The following PRDX1 variants were observed in gnomAD, a reference collection of about 807,000 sequenced individuals.
The protein encoded by PRDX1 is peroxiredoxin 1.
A neutral mutation model predicts 20.7 loss-of-function variants in PRDX1; 19 were observed. The observed-to-expected ratio is 0.92, with a 90% CI of 0.64 to 1.35. The LOEUF (loss-of-function observed/expected upper bound fraction) is 1.35, where lower values mean the gene tolerates loss of function less well. Among genes scored for constraint, PRDX1 ranks in the 40% most tolerant of loss-of-function variants. PRDX1 has a pLI of 0.00. For missense variants in PRDX1, 226 were observed against 240.0 expected (o/e 0.94, Z 0.38); for synonymous variants, 89 against 83.9 (o/e 1.06, Z -0.33).
chr1:45,518,517 C>G (rs1643880852), intron 2 of PRDX1, among the ~76,000 whole-genome samples: 1 of 148,174 alleles, frequency 6.7e-6, no homozygotes, highest in African/African-American at 2.5e-5. Context: ...GGCATGGCAG[C>G]ATGCCCCTAC....
In PRDX1 at chr1:45,514,531, G is replaced by C; in HGVS notation, c.490C>G (p.Gln164Glu). 2 of 1,614,094 alleles carry C rather than the reference G, an allele frequency of 1.2e-6. No individual in the cohort carries two copies. The highest frequency in any genetic ancestry group is 1.7e-6 in the Non-Finnish European group (2 of 1,179,986). ...CCTTCCCCATGTTTGTCAGTGAACTGGAAGGCCTGAACTAGTCTCAAAGTC... is the reference window on the plus strand; with the variant it reads ...CCTTCCCCATGTTTGTCAGTGAACTCGAAGGCCTGAACTAGTCTCAAAGTC... ...DETLRLVQAF[Q>E]FTDKHGEVCP... The change falls in exon 5 of 6, where the codon CAG (glutamine) becomes GAG (glutamate). Residue 164 changes from glutamine (Q) to glutamate (E), a missense_variant. Gln to Glu is a conservative substitution (Grantham distance 29). Transcript: ENST00000319248.
In PRDX1 at chr1:45,515,735, C is replaced by A. The variant is rs775210395; in HGVS notation, c.179G>T (p.Ser60Ile). ...FVCPTEIIAF[S>I]DRAEEFKKLN... ...TTTCTTAAATTCTTCTGCCCTATCA[C>A]TGAAAGCAATGATCTCCGTGGGGCA... Residue 60 changes from serine to isoleucine, a missense_variant, in exon 3 of 6, where the codon AGT becomes ATT. Transcript: ENST00000319248. 6.2e-7 allele frequency: 1 copy of A among 1,606,318 alleles called. No homozygotes were observed. The highest frequency in any genetic ancestry group is 8.5e-7 in the Non-Finnish European group (1 of 1,177,752).
chr1:45,514,841 C>T, intron 4 of PRDX1, 32 bp downstream of exon 4: 1 of 1,612,826 alleles, frequency 6.2e-7, no homozygotes, highest in Non-Finnish European at 8.5e-7. Flanking sequence ...AAAAGGCTTT[C>T]AGCCAACTGG....
At chr1:45,511,930 G>C (rs190946567) in intron 5 of PRDX1, 3 of 152,312 alleles carry the variant, frequency 2.0e-5, no homozygotes, top group Admixed American at 2.0e-4. Context: ...CTACCCCTTG[G>C]TAAGCAAAAG....
chr1:45,517,718 C>G (rs35722848), intron 2 of PRDX1, among the ~76,000 whole-genome samples: 55 of 146,204 alleles, frequency 3.8e-4, no homozygotes, highest in Admixed American at 1.2e-3. Context: ...GAAGGCGGAG[C>G]TTGCAGTGAG....
chr1:45,511,059 C>T lies in PRDX1; in HGVS notation c.*270G>A, dbSNP rs1418390062. The T allele has an allele frequency of 6.6e-6, 2 of 304,674 alleles. No individual in the cohort carries two copies. Among genetic ancestry groups the T allele is most frequent in the Non-Finnish European group, 1.2e-5 (2 of 167,298 alleles). The allele number at this position is 304,674 out of a possible 1,614,324, so 18.9% of individuals were successfully genotyped here. On this transcript the variant is annotated 3_prime_UTR_variant, in exon 6 of 6. Coordinates refer to ENST00000319248, the MANE Select transcript of PRDX1 (RefSeq NM_181697.3). ...ATAAAGACTCATCAAGGTCTCAGTT[C>T]AAGTTTAATACAAACTACAAAAGAT...
intron 2 of PRDX1, among the ~76,000 whole-genome samples, 179 bp from the exon 3 acceptor site, chr1:45,515,986 G>GA (rs1297975737): frequency 2.0e-5 from 3 of 152,130 alleles, no homozygotes; most frequent in Admixed American, 6.5e-5. Context: ...ATACCTGAAT[G>GA]AAAAAAACTT....
intron 1 of PRDX1, among the ~76,000 whole-genome samples, chr1:45,520,790 G>C (rs959296204): frequency 6.7e-6 from 1 of 148,632 alleles, no homozygotes; most frequent in African/African-American, 2.5e-5. Flanking sequence ...TGTAATCCCA[G>C]CTACTCCTAA....
At chr1:45,518,192 G>A (rs1212344668) in intron 2 of PRDX1, among the ~76,000 whole-genome samples, 1 of 151,952 alleles carries the variant, frequency 6.6e-6, no homozygotes, top group Non-Finnish European at 1.5e-5. Flanking sequence ...GCCAGGCGTG[G>A]TGGCTCATGC....
upstream of PRDX1, among the ~76,000 whole-genome samples, chr1:45,522,326 A>T (rs1643922269): frequency 6.6e-6 from 1 of 152,188 alleles, no homozygotes; most frequent in African/African-American, 2.4e-5. Flanking sequence ...ACCCCAGCGC[A>T]GATCCTCAGT....
chr1:45,518,372 CAGG>C (rs1158424553), intron 2 of PRDX1, among the ~76,000 whole-genome samples: 2 of 144,266 alleles, frequency 1.4e-5, no homozygotes, highest in Non-Finnish European at 3.0e-5. Flanking sequence ...GAGGCTGAGG[CAGG>C]AGAATTGCTT....
At position 45,521,874 on chromosome 1, in the gene PRDX1, G is replaced by A. The variant is rs1046868525; in HGVS notation, c.-57C>T. 1.3e-5 allele frequency: 2 copies of A among 152,750 alleles called. No individual in the cohort carries two copies. The highest frequency in any genetic ancestry group is 2.9e-5 in the Non-Finnish European group (2 of 68,436). The allele number at this position is 152,750 out of a possible 1,614,324, so 9.5% of individuals were successfully genotyped here. ...GAAACTAACCACCGACACCAGGCAA[G>A]AACAAGACGCGCAAGAGCTCTCCGG... is the stretch of plus-strand genomic sequence containing the variant. On this transcript the variant is annotated 5_prime_UTR_variant, in exon 1 of 6. Transcript: ENST00000319248.
intron 2 of PRDX1, 117 bp from the exon 3 acceptor site, chr1:45,515,924 G>T: frequency 3.9e-6 from 4 of 1,017,048 alleles, no homozygotes; most frequent in Non-Finnish European, 5.6e-6. Context: ...CTGCCAAGAT[G>T]CTCAATACAG....
intron 2 of PRDX1, among the ~76,000 whole-genome samples, chr1:45,518,649 C>T (rs1183666861): frequency 1.3e-5 from 2 of 151,554 alleles, no homozygotes; most frequent in Non-Finnish European, 2.9e-5. Context: ...GACCCTGTCT[C>T]AAAAATAAAA....
chr1:45,518,217 T>G (rs978548871), intron 2 of PRDX1, among the ~76,000 whole-genome samples: 1 of 150,944 alleles, frequency 6.6e-6, no homozygotes, highest in African/African-American at 2.4e-5. Context: ...AATCCCAGCA[T>G]TTTGGGACGC....
intron 1 of PRDX1, among the ~76,000 whole-genome samples, chr1:45,520,903 C>CA (rs1298746861): frequency 1.3e-5 from 2 of 149,202 alleles, no homozygotes; most frequent in Non-Finnish European, 2.9e-5. Context: ...GACTCTAGCT[C>CA]AAAAAACAGA....
intron 4 of PRDX1, 69 bp from the exon 5 acceptor site, chr1:45,514,706 G>C: frequency 1.3e-6 from 2 of 1,597,602 alleles, no homozygotes; most frequent in Non-Finnish European, 1.7e-6. Flanking sequence ...ACAGAGGCTT[G>C]AAGCCTGAAG....
upstream of PRDX1, among the ~76,000 whole-genome samples, chr1:45,522,281 T>C (rs551171111): frequency 6.6e-6 from 1 of 152,334 alleles, no homozygotes; most frequent in Admixed American, 6.5e-5. Flanking sequence ...CCATGAGAAC[T>C]GTCTATCCAA....
chr1:45,514,514 A>C lies in PRDX1; in HGVS notation c.507T>G (p.His169Gln). 1 of 1,613,906 alleles carries C rather than the reference A, an allele frequency of 6.2e-7. No homozygotes were observed. Among genetic ancestry groups the C allele is most frequent in the Non-Finnish European group, 8.5e-7 (1 of 1,179,954 alleles). ...ATCAGACAGATGGCTTACCTTCCCC[A>C]TGTTTGTCAGTGAACTGGAAGGCCT... ...LVQAFQFTDK[H>Q]GEVCPAGWKP... Residue 169 changes from histidine to glutamine, a missense_variant, in exon 5 of 6, where the codon CAT becomes CAG. Transcript: ENST00000319248.
Sources: allele counts gnomAD v4.1 joint callset (sites outside exome capture counted in the v4.1 genomes callset), GRCh38; gene constraint gnomAD v4.1.1; transcripts MANE v1.5; gene names NCBI Gene and HGNC (gene_info 2026-07-23, HGNC 2026-07-21).